PFKFB1: variants seen among roughly 807,000 people sequenced by gnomAD.
PFKFB1 encodes 6-phosphofructo-2-kinase/fructose-2,6-bisphosphatase 1.
PFKFB1 carries 34 observed loss-of-function variants against 46.4 expected under a neutral mutation model. The ratio of observed to expected loss-of-function variants is 0.73; its 90% CI spans 0.56 to 0.98. The LOEUF (loss-of-function observed/expected upper bound fraction) is 0.98, where lower values mean the gene tolerates loss of function less well. Ranked by LOEUF, PFKFB1 falls within the 50% of genes least tolerant of loss-of-function variation. PFKFB1 has a pLI of 0.00. For synonymous variants in PFKFB1, 119 were observed against 133.8 expected (o/e 0.89, Z 0.76); for missense variants, 393 against 376.3 (o/e 1.04, Z -0.37).
chrX:54,956,817 C>CTCACCTCTTA (rs1249218385), intron 6 of PFKFB1, among the ~76,000 whole-genome samples: 1 of 110,314 alleles, frequency 9.1e-6, no homozygotes, highest in African/African-American at 3.3e-5. Context: ...TCTATCATCC[C>CTCACCTCTTA]TCACCTCTTA....
Position 54,933,410 on chromosome X carries a change from T to C in PFKFB1, c.1409A>G (p.His470Arg). ...PEEALDTVPA[H>R]Y ...TGACTTCTTGGAAAGGGCTCAGTAG[T>C]GGGCTGGGACAGTATCCAGGGCTTC... Residue 470 changes from histidine to arginine, a missense_variant, in exon 14 of 14, where the codon CAC becomes CGC. His to Arg is a conservative substitution (Grantham distance 29). Transcript: ENST00000375006. 8.3e-7 allele frequency: 1 copy of C among 1,206,852 alleles called. No individual in the cohort carries two copies. The highest frequency in any genetic ancestry group is 1.7e-5 in the African/African-American group (1 of 57,719).
At chrX:54,972,229 A>G (rs1486431886) in intron 1 of PFKFB1, among the ~76,000 whole-genome samples, 2 of 110,948 alleles carry the variant, frequency 1.8e-5, no homozygotes, top group African/African-American at 3.3e-5. Flanking sequence ...CAGCTTAAGG[A>G]GATTTTGGGA....
At position 54,943,753 on chromosome X, in the gene PFKFB1, AAAATAAATAAAT is replaced by A. The variant is rs1204544298; in HGVS notation, c.1098+1674_1098+1685del. On this transcript the variant is annotated intron_variant, in intron 10 of 13. Coordinates refer to ENST00000375006, the MANE Select transcript of PFKFB1 (RefSeq NM_002625.4). Reference sequence around the variant, plus strand: ...GTGAAAGAGCGAGACTCCGTCTCAAAAAATAAATAAATAAATAAATAAATAAAATAAAAAATA... The same window carrying A: ...GTGAAAGAGCGAGACTCCGTCTCAAAAAATAAATAAATAAAATAAAAAATA... Among the ~76,000 whole-genome samples, 20 of 110,649 alleles carry A rather than the reference AAAATAAATAAAT, an allele frequency of 1.8e-4. No individual in the cohort carries two copies. The East Asian group carries it at 5.6e-3, about 31-fold the overall frequency.
intron 1 of PFKFB1, among the ~76,000 whole-genome samples, chrX:54,964,471 G>A (rs1023657734): frequency 1.8e-5 from 2 of 112,307 alleles, no homozygotes; most frequent in African/African-American, 6.5e-5. Flanking sequence ...TAGGACCAGA[G>A]TAAGTTATGA....
chrX:54,939,457 G>GT (rs1315413488), intron 10 of PFKFB1, among the ~76,000 whole-genome samples: 31 of 111,567 alleles, frequency 2.8e-4, no homozygotes, highest in South Asian at 7.5e-4. Context: ...TCCAGGAGCT[G>GT]TTTTTTTGAA....
At chrX:54,985,141 C>CT (rs1935083744) in intron 1 of PFKFB1, among the ~76,000 whole-genome samples, 1 of 111,128 alleles carries the variant, frequency 9.0e-6, no homozygotes, top group African/African-American at 3.3e-5. Context: ...GTTCACTTAA[C>CT]TAACAGCAAC....
Position 54,987,187 on chromosome X carries a change from TA to T in PFKFB1, c.97+6723del, listed in dbSNP as rs1308270703. On this transcript the variant is annotated intron_variant, in intron 1 of 13. Coordinates refer to ENST00000375006, the MANE Select transcript of PFKFB1 (RefSeq NM_002625.4). ...AATCATAAACTGTATGCCAACACAA[TA>T]AATGCCTTAGGTGAAATAGATAAAT... Among the ~76,000 whole-genome samples the T allele has an allele frequency of 3.6e-5, 4 of 111,003 alleles. No homozygotes were observed. In the Admixed American group the frequency reaches 3.8e-4, roughly 11 times the overall value.
At position 54,955,300 on chromosome X, in the gene PFKFB1, G is replaced by C. The variant is rs139941956; in HGVS notation, c.638+853C>G. Among the ~76,000 whole-genome samples, 1,060 of 111,324 alleles carry C rather than the reference G, an allele frequency of 9.5e-3. 15 individuals carry two copies. Among genetic ancestry groups the C allele is most frequent in the African/African-American group, 0.032 (974 of 30,612 alleles). On this transcript the variant is annotated intron_variant, in intron 7 of 13. Transcript: ENST00000375006. ...ATTTCTTGGTACTTCAGTTGGGTAA[G>C]GCCACTCTTTAGATTTCTTAGAGTG...
intron 1 of PFKFB1, among the ~76,000 whole-genome samples, chrX:54,983,074 G>A (rs969017708): frequency 6.3e-5 from 7 of 111,706 alleles, no homozygotes; most frequent in Admixed American, 3.8e-4. Context: ...GAAGAAAGAC[G>A]AAATAAATAT....
At chrX:54,959,368 C>G (rs777493928) in intron 4 of PFKFB1, among the ~76,000 whole-genome samples, 3 of 111,799 alleles carry the variant, frequency 2.7e-5, no homozygotes, top group Admixed American at 9.5e-5. Flanking sequence ...GAGATTGGAC[C>G]ATTTGCATAT....
intron 9 of PFKFB1, 87 bp downstream of exon 9, chrX:54,948,988 C>A: frequency 9.6e-7 from 1 of 1,044,141 alleles, no homozygotes. Flanking sequence ...TTAGGCTCCC[C>A]ATAGGGGCTG....
At chrX:54,994,745 C>T (rs1373354295), upstream of PFKFB1, 1 of 753,160 alleles carries the variant, frequency 1.3e-6, no homozygotes, top group Non-Finnish European at 1.6e-6. Context: ...GGGCCTCTCC[C>T]ACCTGAAATG....
At chrX:54,933,714 G>T (rs915172684) in intron 13 of PFKFB1, 107 bp downstream of exon 13, 1 of 683,210 alleles carries the variant, frequency 1.5e-6, no homozygotes, top group Non-Finnish European at 2.3e-6. Flanking sequence ...ATCTGTTGGT[G>T]CAAAACACCC....
intron 1 of PFKFB1, among the ~76,000 whole-genome samples, chrX:54,972,893 G>C (rs1315946630): frequency 9.0e-6 from 1 of 111,642 alleles, no homozygotes; most frequent in Non-Finnish European, 1.9e-5. Context: ...CTATTGATTG[G>C]AATAGTTTCA....
rs1341266877 is a variant in PFKFB1 at position 54,933,421 on chromosome X, A to AGTAT, written c.1394_1397dup (p.Val467TyrfsTer40). On this transcript the variant is annotated frameshift_variant, in exon 14 of 14. Coordinates refer to ENST00000375006, the MANE Select transcript of PFKFB1 (RefSeq NM_002625.4). LOFTEE classifies it high-confidence loss of function. Reference sequence around the variant, plus strand: ...AAAGGGCTCAGTAGTGGGCTGGGACAGTATCCAGGGCTTCCTCAGGTTCCC... The same window carrying AGTAT: ...AAAGGGCTCAGTAGTGGGCTGGGACAGTATGTATCCAGGGCTTCCTCAGGTTCCC... 1.2e-5 allele frequency: 15 copies of AGTAT among 1,209,320 alleles called. No homozygotes were observed. The highest frequency in any genetic ancestry group is 1.7e-5 in the Non-Finnish European group (15 of 893,104).
upstream of PFKFB1, chrX:54,994,524 TCCAACCCAGAAA>T: frequency 1.3e-6 from 1 of 753,954 alleles, no homozygotes; most frequent in African/African-American, 2.3e-5. Flanking sequence ...AATGTCAAGC[TCCAACCCAGAAA>T]CCAAGATTCA....
At chrX:54,979,921 T>C (rs745434374) in intron 1 of PFKFB1, among the ~76,000 whole-genome samples, 1 of 111,985 alleles carries the variant, frequency 8.9e-6, no homozygotes, top group African/African-American at 3.2e-5. Flanking sequence ...AGCTGTCATG[T>C]TGTGAGCTTC....
chrX:54,951,007 G>A (rs1602188150), intron 8 of PFKFB1, among the ~76,000 whole-genome samples: 1 of 113,215 alleles, frequency 8.8e-6, no homozygotes, highest in South Asian at 3.6e-4. Flanking sequence ...AAGATGAAAT[G>A]AGCCACACAT....
chrX:54,998,323 T>C, upstream of PFKFB1: 1 of 826,068 alleles, frequency 1.2e-6, no homozygotes. Context: ...CAACCATCTA[T>C]GCAAAGAAAA....
Sources: gnomAD v4.1 joint callset for allele counts (sites outside exome capture counted in the v4.1 genomes callset) on GRCh38, gnomAD v4.1.1 for gene constraint, MANE v1.5 for transcripts, NCBI Gene and HGNC (gene_info 2026-07-23, HGNC 2026-07-21) for gene names.